The following KAZN variants were observed in gnomAD, a reference collection of about 807,000 sequenced individuals.
KAZN encodes the protein kazrin, periplakin interacting protein, also known as kazrin.
KAZN carries 40 observed loss-of-function variants against 87.4 expected under a neutral mutation model. The observed-to-expected ratio is 0.46, with a 90% CI of 0.36 to 0.60. The LOEUF (loss-of-function observed/expected upper bound fraction) is 0.60, where lower values mean the gene tolerates loss of function less well. Among genes scored for constraint, KAZN ranks in the 20% least tolerant of loss-of-function variants. The pLI is 0.00. For synonymous variants in KAZN, 466 were observed against 458.3 expected, an observed-to-expected ratio of 1.02 and a Z score of -0.22; for missense variants, 898 against 1,073.9, an observed-to-expected ratio of 0.84 and a Z score of 2.29.
chr1:14,505,811 T>TA (rs754637142), intron 2 of KAZN, among the ~76,000 whole-genome samples: 1 of 151,716 alleles, frequency 6.6e-6, no homozygotes, highest in Non-Finnish European at 1.5e-5. Context: ...CTGTCTCTAC[T>TA]AAAATACAAA....
chr1:14,219,273 G>T (rs1647038585), intron 2 of KAZN, among the ~76,000 whole-genome samples: 1 of 152,080 alleles, frequency 6.6e-6, no homozygotes, highest in South Asian at 2.1e-4. Flanking sequence ...TACTTTTGAG[G>T]GTGTAGGGAA....
intron 2 of KAZN, among the ~76,000 whole-genome samples, chr1:14,447,075 T>C (rs988285049): frequency 6.6e-6 from 1 of 151,956 alleles, no homozygotes; most frequent in Admixed American, 6.6e-5. Context: ...TCCTCCCAAG[T>C]AGTTCGCAGT....
intron 2 of KAZN, among the ~76,000 whole-genome samples, chr1:14,422,691 T>C (rs573108093): frequency 8.5e-5 from 13 of 152,304 alleles, no homozygotes; most frequent in African/African-American, 3.1e-4. Flanking sequence ...CCAGAAGATA[T>C]TAAATATAGA....
At chr1:14,743,510 T>C (rs1371048111) in intron 1 of KAZN, among the ~76,000 whole-genome samples, 1 of 152,198 alleles carries the variant, frequency 6.6e-6, no homozygotes, top group East Asian at 1.9e-4. Flanking sequence ...GAGGACTTCT[T>C]TGATAGAAGC....
At chr1:14,463,633 T>A (rs944397622) in intron 2 of KAZN, among the ~76,000 whole-genome samples, 1 of 152,156 alleles carries the variant, frequency 6.6e-6, no homozygotes, top group African/African-American at 2.4e-5. Context: ...TTTTGATATA[T>A]ACTATGACAA....
chr1:14,262,336 A>G (rs1651104290), intron 2 of KAZN, among the ~76,000 whole-genome samples: 1 of 152,238 alleles, frequency 6.6e-6, no homozygotes, highest in African/African-American at 2.4e-5. Flanking sequence ...TGGCTCTTAG[A>G]TGACTAAAAT....
intron 1 of KAZN, among the ~76,000 whole-genome samples, chr1:14,884,502 G>C (rs1369964115): frequency 1.3e-5 from 2 of 152,180 alleles, no homozygotes; most frequent in Non-Finnish European, 2.9e-5. Flanking sequence ...AGAAGCATAG[G>C]TTGTGTGGCT....
intron 1 of KAZN, among the ~76,000 whole-genome samples, chr1:14,817,815 A>G (rs918977578): frequency 4.6e-5 from 7 of 152,090 alleles, no homozygotes; most frequent in African/African-American, 1.7e-4. Context: ...AAAACTGTGT[A>G]TATAGGAGAA....
chr1:14,304,630 G>A (rs112114408), intron 2 of KAZN: 6,144 of 398,360 alleles, frequency 0.015, 311 homozygotes, highest in African/African-American at 0.12. Context: ...TCATTTCAAT[G>A]CATTTCCAAT....
At chr1:14,506,673 T>C (rs1428156998) in intron 2 of KAZN, among the ~76,000 whole-genome samples, 1 of 152,186 alleles carries the variant, frequency 6.6e-6, no homozygotes, top group African/African-American at 2.4e-5. Context: ...TGCTGACACA[T>C]CATAAGTGCC....
intron 1 of KAZN, among the ~76,000 whole-genome samples, chr1:14,876,925 C>A (rs2101082374): frequency 6.6e-6 from 1 of 152,342 alleles, no homozygotes; most frequent in East Asian, 1.9e-4. Flanking sequence ...TTGAAACCAA[C>A]TTGTATTAGT....
intron 1 of KAZN, among the ~76,000 whole-genome samples, chr1:14,033,009 A>G (rs549182843): frequency 6.6e-6 from 1 of 152,140 alleles, no homozygotes; most frequent in African/African-American, 2.4e-5. Flanking sequence ...AGGGTCAAGC[A>G]TTTTCTCACC....
At chr1:14,875,405 GGTT>G (rs1262399196) in intron 1 of KAZN, among the ~76,000 whole-genome samples, 1 of 146,370 alleles carries the variant, frequency 6.8e-6, no homozygotes, top group East Asian at 2.0e-4. Context: ...GGGTTTATTT[GGTT>G]GTTGTTATCA....
rs1261504122 is a variant in KAZN, at chr1:15,099,482, A to G, written c.1548-2061A>G. On this transcript the variant is annotated intron_variant, in intron 10 of 14. Transcript: ENST00000376030. This position sits in a 1 kb window ranked among gnomAD's most constrained non-coding sequence, Gnocchi z 5.4. The stretch of plus-strand genomic sequence containing the variant: ...CAAATTCAGAGAAAAGGGAGATTTG[A>G]CGCCCAAGGGATGAGGAGGGGTGAG... Among the ~76,000 whole-genome samples, 1 of 151,954 alleles carries G rather than the reference A, an allele frequency of 6.6e-6. No homozygotes were observed. The highest frequency in any genetic ancestry group is 1.5e-5 in the Non-Finnish European group (1 of 67,998).
chr1:14,830,450 G>C (rs1001700435), intron 1 of KAZN, among the ~76,000 whole-genome samples: 11 of 152,158 alleles, frequency 7.2e-5, no homozygotes, highest in African/African-American at 2.7e-4. Context: ...AGCCTGCAGA[G>C]TGAGCCAAGA....
intron 8 of KAZN, among the ~76,000 whole-genome samples, chr1:15,091,489 C>T (rs761465382): frequency 1.3e-5 from 2 of 152,140 alleles, no homozygotes; most frequent in South Asian, 2.1e-4. Flanking sequence ...GGACTACAGG[C>T]GTGTGCTACC....
chr1:14,962,469 A>T (rs1452571203), intron 2 of KAZN, among the ~76,000 whole-genome samples: 1 of 152,156 alleles, frequency 6.6e-6, no homozygotes, highest in Admixed American at 6.5e-5. Context: ...TCCTCTATGC[A>T]GCCACCCGGC....
In KAZN at chr1:14,963,967, T is replaced by C. The variant is rs113346467; in HGVS notation, c.418+3092T>C. On this transcript the variant is annotated intron_variant, in intron 2 of 14. Transcript: ENST00000376030. ...CCCTGCAAAGGACATGAACTAATTCTTTTTTATGGTTGCATAGTATTCCAT... is the reference window on the plus strand; with the variant it reads ...CCCTGCAAAGGACATGAACTAATTCCTTTTTATGGTTGCATAGTATTCCAT... Among the ~76,000 whole-genome samples the C allele has an allele frequency of 5.4e-3, 829 of 152,356 alleles. 5 individuals carry two copies. Among genetic ancestry groups the C allele is most frequent in the South Asian group, 0.014 (66 of 4,828 alleles).
intron 1 of KAZN, among the ~76,000 whole-genome samples, chr1:14,762,055 G>A (rs890457364): frequency 1.3e-5 from 2 of 152,066 alleles, no homozygotes; most frequent in Non-Finnish European, 2.9e-5. Context: ...CTTTTCATAA[G>A]GACACCTGTG....
Sources: gnomAD v4.1 joint callset for allele counts (sites outside exome capture counted in the v4.1 genomes callset) on GRCh38, gnomAD v4.1.1 for gene constraint, Gnocchi (gnomAD v3.1) non-coding constraint, MANE v1.5 for transcripts, NCBI Gene and HGNC (gene_info 2026-07-23, HGNC 2026-07-21) for gene names.